CLIC2: variants seen among roughly 807,000 people sequenced by gnomAD.
CLIC2 encodes chloride intracellular channel protein 2.
In CLIC2, 9 loss-of-function variants were observed where a neutral mutation model predicts 14.8. The ratio of observed to expected loss-of-function variants is 0.61; its 90% CI spans 0.37 to 1.06. The LOEUF is 1.06. CLIC2 is among the 50% of genes least tolerant of loss of function. The probability of loss-of-function intolerance (pLI) is 0.01; values close to 1 mark genes in which losing one functional copy is unlikely to be tolerated. For synonymous variants in CLIC2, 61 were observed against 66.3 expected, an observed-to-expected ratio of 0.92 and a Z score of 0.39; for missense variants, 148 against 181.4, an observed-to-expected ratio of 0.82 and a Z score of 1.06.
At position 155,313,339 on chromosome X, in the gene CLIC2, C is replaced by G. The variant is rs1374543089; in HGVS notation, c.58-14194G>C. ...CTTAAAGACCTAAAAATAGAACTACCATTTTACCCAGCAATCCTATTACTG... is the reference window on the plus strand; with the variant it reads ...CTTAAAGACCTAAAAATAGAACTACGATTTTACCCAGCAATCCTATTACTG... On this transcript the variant is annotated intron_variant, in intron 1 of 5. Coordinates refer to ENST00000369449, the MANE Select transcript of CLIC2 (RefSeq NM_001289.6). Among the ~76,000 whole-genome samples, 5 of 111,135 alleles carry G rather than the reference C, an allele frequency of 4.5e-5. No individual in the cohort carries two copies. In the Admixed American group the frequency reaches 4.8e-4, roughly 11 times the overall value.
chrX:155,329,669 AG>A (rs1265670831), intron 1 of CLIC2, among the ~76,000 whole-genome samples: 1 of 109,603 alleles, frequency 9.1e-6, no homozygotes, highest in Non-Finnish European at 1.9e-5. Context: ...CTTATGGTCC[AG>A]CAATCCCACT....
intron 3 of CLIC2, among the ~76,000 whole-genome samples, chrX:155,280,462 G>A (rs1392238039): frequency 1.8e-5 from 2 of 111,828 alleles, no homozygotes; most frequent in Admixed American, 9.5e-5. Context: ...GGAGGCTGAG[G>A]TGGGTGGATC....
rs782795857 is a variant in CLIC2 at position 155,309,644 on chromosome X, A to G, written c.58-10499T>C. The G allele has an allele frequency of 8.8e-5, 20 of 227,992 alleles. No individual in the cohort carries two copies. In the Admixed American group the frequency reaches 9.0e-4, roughly 10 times the overall value. The allele number at this position is 227,992 out of a possible 1,213,427, so 18.8% of individuals were successfully genotyped here. On this transcript the variant is annotated intron_variant, in intron 1 of 5. Transcript: ENST00000369449. Reference sequence around the variant, plus strand: ...GGCACATCTCACATGGCAGCAGACAAGAGAAGAGAATGAGAGCCAAGTGAA... The same window carrying G: ...GGCACATCTCACATGGCAGCAGACAGGAGAAGAGAATGAGAGCCAAGTGAA...
chrX:155,290,622 A>C, intron 3 of CLIC2: 3 of 877,088 alleles, frequency 3.4e-6, no homozygotes, highest in Non-Finnish European at 5.1e-6. Flanking sequence ...ATAGATAAAA[A>C]CTATGGACTC....
intron 3 of CLIC2, among the ~76,000 whole-genome samples, chrX:155,296,460 T>G: frequency 9.0e-6 from 1 of 111,387 alleles, no homozygotes; most frequent in Middle Eastern, 4.6e-3. Context: ...GACAAATAAT[T>G]TATGATTGAG....
chrX:155,279,554 A>G (rs2074911143), intron 4 of CLIC2, among the ~76,000 whole-genome samples: 1 of 111,810 alleles, frequency 8.9e-6, no homozygotes, highest in East Asian at 2.8e-4. Context: ...AGGGAGGTGC[A>G]TTGGCAGGAG....
intron 1 of CLIC2, among the ~76,000 whole-genome samples, chrX:155,320,502 G>A (rs1363702707): frequency 8.9e-6 from 1 of 112,116 alleles, no homozygotes; most frequent in East Asian, 2.8e-4. Context: ...ATACAGAAAG[G>A]AATAGCATCA....
At chrX:155,290,872 G>A (rs782544652) in intron 3 of CLIC2, 105 of 659,531 alleles carry the variant, frequency 1.6e-4, no homozygotes, top group Non-Finnish European at 2.5e-4. Context: ...GATGCTTAGC[G>A]TCCACACCCA....
intron 1 of CLIC2, among the ~76,000 whole-genome samples, chrX:155,311,469 T>C (rs1339193602): frequency 9.0e-6 from 1 of 111,651 alleles, no homozygotes; most frequent in Non-Finnish European, 1.9e-5. Flanking sequence ...CACCTCAGCC[T>C]GTATTTTATT....
At chrX:155,330,056 T>G (rs1247171855) in intron 1 of CLIC2, among the ~76,000 whole-genome samples, 4 of 110,983 alleles carry the variant, frequency 3.6e-5, no homozygotes, top group Non-Finnish European at 5.7e-5. Flanking sequence ...AGTCTGTGTG[T>G]GTGGGGAGGT....
chrX:155,293,323 A>G, intron 3 of CLIC2: 8 of 1,100,256 alleles, frequency 7.3e-6, no homozygotes, highest in South Asian at 1.8e-5. Flanking sequence ...TCCAAATGCT[A>G]TATGTGGAAT....
At chrX:155,292,807 A>G (rs2074979117) in intron 3 of CLIC2, 1 of 756,776 alleles carries the variant, frequency 1.3e-6, no homozygotes, top group East Asian at 3.2e-5. Flanking sequence ...ACAAATAAAA[A>G]AGCTGCCAAA....
Position 155,291,820 on chromosome X carries a change from G to A in CLIC2, c.293+6965C>T, listed in dbSNP as rs187698338. Among the ~76,000 whole-genome samples, 66 of 112,409 alleles carry A rather than the reference G, an allele frequency of 5.9e-4. No individual in the cohort carries two copies. In the Admixed American group the frequency reaches 5.9e-3, roughly 10 times the overall value. On this transcript the variant is annotated intron_variant, in intron 3 of 5. Transcript: ENST00000369449. ...GATGTAAAAAGAGTGCTAATGCCTA[G>A]TATTACAGATATGTTGGGAAAGAGT... is the stretch of plus-strand genomic sequence containing the variant.
At chrX:155,322,418 C>T (rs1028872784) in intron 1 of CLIC2, among the ~76,000 whole-genome samples, 1 of 111,909 alleles carries the variant, frequency 8.9e-6, no homozygotes, top group African/African-American at 3.3e-5. Context: ...CAAAACCGCA[C>T]AACTACATGG....
chrX:155,280,693 A>AAAAAAG (rs1557316347), intron 3 of CLIC2, among the ~76,000 whole-genome samples: 1 of 111,157 alleles, frequency 9.0e-6, no homozygotes, highest in African/African-American at 3.3e-5. Context: ...CTCAGTCTCA[A>AAAAAAG]AAAAAGAAAA....
intron 3 of CLIC2, among the ~76,000 whole-genome samples, chrX:155,294,275 A>G: frequency 8.9e-6 from 1 of 111,861 alleles, no homozygotes; most frequent in Non-Finnish European, 1.9e-5. Context: ...CTGCATAAAT[A>G]CATAAAAATT....
In CLIC2 at chrX:155,279,974, C is replaced by G. The variant is rs149301253; in HGVS notation, c.388G>C (p.Glu130Gln). 2.5e-6 allele frequency: 3 copies of G among 1,186,633 alleles called. No individual in the cohort carries two copies. Among genetic ancestry groups the G allele is most frequent in the African/African-American group, 1.8e-5 (1 of 56,686 alleles). ...AAAGGTATCTTACTCTTATTTGCCT[C>G]CTTTTGTGTATTCTTAATGTATGCA... ...FSAYIKNTQKEANKNFEKSLL... is the reference protein window; with the variant it reads ...FSAYIKNTQKQANKNFEKSLL... The change falls in exon 4 of 6, where the codon GAG becomes CAG. Residue 130 changes from glutamate to glutamine, a missense_variant. Glu to Gln is a conservative substitution (Grantham distance 29). Coordinates refer to ENST00000369449, the MANE Select transcript of CLIC2 (RefSeq NM_001289.6).
intron 1 of CLIC2, among the ~76,000 whole-genome samples, chrX:155,326,555 C>T (rs150053350): frequency 0.045 from 5,077 of 111,644 alleles, 298 homozygotes; most frequent in African/African-American, 0.16. Flanking sequence ...GCAGCTGCTA[C>T]GCGACCAAAC....
At chrX:155,282,587 G>A (rs1251254666) in intron 3 of CLIC2, among the ~76,000 whole-genome samples, 1 of 110,766 alleles carries the variant, frequency 9.0e-6, no homozygotes, top group Non-Finnish European at 1.9e-5. Context: ...TAGTCTCCCA[G>A]CCCTGGGCCA....
Sources: allele counts gnomAD v4.1 joint callset (sites outside exome capture counted in the v4.1 genomes callset), GRCh38; gene constraint gnomAD v4.1.1; transcripts MANE v1.5; gene names NCBI Gene and HGNC (gene_info 2026-07-23, HGNC 2026-07-21).